MMS22L: variants seen among roughly 807,000 people sequenced by gnomAD.
The protein encoded by MMS22L is MMS22 like, DNA repair protein, also known as protein MMS22-like.
A neutral mutation model predicts 159.1 loss-of-function variants in MMS22L; 74 were observed. The observed-to-expected ratio is 0.47, with a 90% CI of 0.39 to 0.56. MMS22L has a LOEUF of 0.56. MMS22L is among the 20% of genes least tolerant of loss of function. MMS22L has a pLI of 0.00. For missense variants in MMS22L, 1,351 were observed against 1,422.1 expected (o/e 0.95, Z 0.80); for synonymous variants, 517 against 506.9 (o/e 1.02, Z -0.27).
Position 97,179,481 on chromosome 6 carries a change from A to G in MMS22L, c.2463T>C (p.Val821=). The G allele has an allele frequency of 6.2e-7, 1 of 1,613,780 alleles. No homozygotes were observed. Among genetic ancestry groups the G allele is most frequent in the South Asian group, 1.1e-5 (1 of 91,054 alleles). ...ALTVRSWIRC[V]LQMYIKNLSG... is the part of the protein sequence containing the mutation. ...AGAGGTTTTTAATATACATTTGCAAAACACAACGAATCCATGATCTTACGG... is the reference window on the plus strand; with the variant it reads ...AGAGGTTTTTAATATACATTTGCAAGACACAACGAATCCATGATCTTACGG... The change falls in exon 17 of 25, where the codon GTT becomes GTC. Residue 821 remains valine, a synonymous_variant. Transcript: ENST00000683635.
chr6:97,189,547 T>C (rs1805632026), intron 14 of MMS22L, among the ~76,000 whole-genome samples: 2 of 72,644 alleles, frequency 2.8e-5, no homozygotes, highest in African/African-American at 6.7e-5. Context: ...CGAGACTCTG[T>C]CTCCAAAAAA....
At chr6:97,186,276 A>G (rs1265265772) in intron 15 of MMS22L, among the ~76,000 whole-genome samples, 1 of 152,202 alleles carries the variant, frequency 6.6e-6, no homozygotes, top group African/African-American at 2.4e-5. Flanking sequence ...TGTATATTCA[A>G]TATTTTCAGG....
chr6:97,165,120 G>A, intron 21 of MMS22L, 126 bp downstream of exon 21: 3 of 738,964 alleles, frequency 4.1e-6, no homozygotes, highest in Non-Finnish European at 4.4e-6. Flanking sequence ...ATGCTTCTCA[G>A]GAAAACAAAA....
chr6:97,216,663 GT>G (rs1478026549), intron 14 of MMS22L, among the ~76,000 whole-genome samples: 1 of 152,180 alleles, frequency 6.6e-6, no homozygotes, highest in East Asian at 1.9e-4. Context: ...ACAGCACCGT[GT>G]GGTGCCATGA....
At chr6:97,222,421 G>A (rs1034503248) in intron 14 of MMS22L, among the ~76,000 whole-genome samples, 1 of 151,934 alleles carries the variant, frequency 6.6e-6, no homozygotes, top group Non-Finnish European at 1.5e-5. Context: ...GGTAATTATC[G>A]CTTCTGAACT....
chr6:97,238,572 C>CATGTGTGTGT (rs1052667059), intron 11 of MMS22L, among the ~76,000 whole-genome samples: 123 of 91,538 alleles, frequency 1.3e-3, no homozygotes, highest in African/African-American at 4.0e-3. Flanking sequence ...TGTCTCATCT[C>CATGTGTGTGT]GTGTGTGTGT....
chr6:97,246,774 G>A, intron 10 of MMS22L, 84 bp from the exon 11 acceptor site: 1 of 880,374 alleles, frequency 1.1e-6, no homozygotes, highest in East Asian at 2.6e-5. Context: ...AATTAAGTGT[G>A]CAGTACATTT....
intron 6 of MMS22L, chr6:97,270,947 A>G (rs1221019789): frequency 6.6e-6 from 1 of 152,146 alleles, no homozygotes; most frequent in Non-Finnish European, 1.5e-5. Flanking sequence ...AAAACAAAAA[A>G]CGGAAAAATA....
intron 23 of MMS22L, 83 bp downstream of exon 23, chr6:97,151,688 G>A: frequency 1.9e-6 from 2 of 1,048,516 alleles, no homozygotes; most frequent in Non-Finnish European, 3.0e-6. Flanking sequence ...ATTATGTTTT[G>A]GATAATTAGT....
At chr6:97,230,790 C>T (rs1810776599) in intron 13 of MMS22L, 1 of 152,106 alleles carries the variant, frequency 6.6e-6, no homozygotes, top group South Asian at 2.1e-4. Context: ...ATATCCAAAC[C>T]ATATCACCAT....
At position 97,212,602 on chromosome 6, in the gene MMS22L, G is replaced by A. The variant is rs180958851; in HGVS notation, c.2039+16292C>T. Among the ~76,000 whole-genome samples the A allele has an allele frequency of 1.8e-3, 279 of 152,184 alleles. 3 individuals carry two copies. Among genetic ancestry groups the A allele is most frequent in the African/African-American group, 6.2e-3 (259 of 41,522 alleles). On this transcript the variant is annotated intron_variant, in intron 14 of 24. Transcript: ENST00000683635. ...ATTCTCCAAATCAGCTCTTCAATACGTATCATTATACACATTTTACAGGTC... is the reference window on the plus strand; with the variant it reads ...ATTCTCCAAATCAGCTCTTCAATACATATCATTATACACATTTTACAGGTC...
chr6:97,256,210 T>A (rs1813791560), intron 9 of MMS22L, among the ~76,000 whole-genome samples: 1 of 152,136 alleles, frequency 6.6e-6, no homozygotes. Context: ...CTTTCAGTGA[T>A]GATCTTAGAA....
chr6:97,166,398 T>C (rs186673507), intron 20 of MMS22L, among the ~76,000 whole-genome samples: 16 of 152,228 alleles, frequency 1.1e-4, no homozygotes, highest in Admixed American at 2.0e-4. Flanking sequence ...AAGTCTCCAT[T>C]TTAGTTGTAA....
intron 9 of MMS22L, chr6:97,259,994 T>C (rs564350859): frequency 2.4e-4 from 37 of 152,336 alleles, no homozygotes; most frequent in African/African-American, 8.9e-4. Context: ...TTTTAAATGC[T>C]GCATTGAGGC....
chr6:97,229,452 A>C, intron 13 of MMS22L, 49 bp from the exon 14 acceptor site: 1 of 1,327,664 alleles, frequency 7.5e-7, no homozygotes, highest in Non-Finnish European at 1.0e-6. Flanking sequence ...ATTCACAAAA[A>C]TCTGTATCTC....
intron 19 of MMS22L, among the ~76,000 whole-genome samples, chr6:97,172,264 A>G (rs1175007819): frequency 2.6e-5 from 4 of 152,132 alleles, no homozygotes; most frequent in South Asian, 2.1e-4. Flanking sequence ...TACATCTTCT[A>G]TATTTACACA....
intron 11 of MMS22L, 83 bp from the exon 12 acceptor site, chr6:97,234,063 CCTGCAG>C (rs1256258549): frequency 7.0e-7 from 1 of 1,424,706 alleles, no homozygotes; most frequent in Non-Finnish European, 9.4e-7. Flanking sequence ...CTGTATATAA[CCTGCAG>C]CTAAAAAGAA....
intron 24 of MMS22L, among the ~76,000 whole-genome samples, chr6:97,147,541 C>T (rs757988872): frequency 3.9e-5 from 6 of 152,154 alleles, no homozygotes; most frequent in Non-Finnish European, 8.8e-5. Flanking sequence ...TTTGTTTTAA[C>T]AACATACTGC....
intron 13 of MMS22L, among the ~76,000 whole-genome samples, chr6:97,229,833 C>T (rs1367060685): frequency 6.6e-6 from 1 of 152,106 alleles, no homozygotes; most frequent in Non-Finnish European, 1.5e-5. Context: ...ACTCTTTTCT[C>T]CCTGCACCCC....
Sources: allele counts gnomAD v4.1 joint callset (sites outside exome capture counted in the v4.1 genomes callset), GRCh38; gene constraint gnomAD v4.1.1; transcripts MANE v1.5; gene names NCBI Gene and HGNC (gene_info 2026-07-23, HGNC 2026-07-21).